MAGI2: variants seen among roughly 807,000 people sequenced by gnomAD.
MAGI2 encodes membrane associated guanylate kinase, WW and PDZ domain containing 2.
MAGI2 carries 35 observed loss-of-function variants against 133.3 expected under a neutral mutation model. That is an observed-to-expected ratio of 0.26 (90% confidence interval 0.20 to 0.35). MAGI2 has a LOEUF of 0.35. MAGI2 is among the 10% of genes least tolerant of loss of function. The pLI, the probability that MAGI2 is intolerant of heterozygous loss-of-function variation, is 1.00. For synonymous variants in MAGI2, 729 were observed against 710.6 expected, an observed-to-expected ratio of 1.03 and a Z score of -0.41; for missense variants, 1,636 against 1,863.4, an observed-to-expected ratio of 0.88 and a Z score of 2.25.
chr7:79,157,390 CA>C (rs1823884423), intron 1 of MAGI2, among the ~76,000 whole-genome samples: 1 of 151,786 alleles, frequency 6.6e-6, no homozygotes. Flanking sequence ...GCTGATCACC[CA>C]GTGTTTTGAG....
At chr7:78,069,145 T>G (rs1246271635) in intron 21 of MAGI2, among the ~76,000 whole-genome samples, 1 of 152,050 alleles carries the variant, frequency 6.6e-6, no homozygotes, top group Non-Finnish European at 1.5e-5. Flanking sequence ...TGACAAGTCA[T>G]AGAATGGAGA....
intron 5 of MAGI2, among the ~76,000 whole-genome samples, chr7:78,500,378 C>T (rs1027971778): frequency 6.6e-6 from 1 of 152,158 alleles, no homozygotes; most frequent in Non-Finnish European, 1.5e-5. Context: ...CTATTATTTT[C>T]TCTCTTTGAG....
At chr7:79,212,465 A>G (rs1228402029) in intron 1 of MAGI2, among the ~76,000 whole-genome samples, 1 of 152,138 alleles carries the variant, frequency 6.6e-6, no homozygotes, top group East Asian at 1.9e-4. Flanking sequence ...CCCAATAAAT[A>G]GGCTTTGAGA....
chr7:78,026,371 C>T (rs528660877), intron 21 of MAGI2, among the ~76,000 whole-genome samples: 1 of 152,318 alleles, frequency 6.6e-6, no homozygotes, highest in Non-Finnish European at 1.5e-5. Context: ...TAGGAATAAA[C>T]TGCTTGTTGC....
chr7:78,366,112 A>G (rs1045264117), intron 7 of MAGI2, among the ~76,000 whole-genome samples: 6 of 152,312 alleles, frequency 3.9e-5, no homozygotes, highest in Admixed American at 6.5e-5. Flanking sequence ...ATTAAACATA[A>G]GAATGATAGC....
At chr7:78,398,042 C>T (rs1796518494) in intron 6 of MAGI2, among the ~76,000 whole-genome samples, 1 of 151,976 alleles carries the variant, frequency 6.6e-6, no homozygotes, top group Non-Finnish European at 1.5e-5. Context: ...AGGCATAAAT[C>T]CTTCAGGAAG....
intron 9 of MAGI2, among the ~76,000 whole-genome samples, chr7:78,343,450 A>G (rs17150559): frequency 0.051 from 7,831 of 152,284 alleles, 242 homozygotes; most frequent in South Asian, 0.13. Flanking sequence ...GTGGCTGAAT[A>G]TAAGTTAGAA....
At chr7:79,423,855 C>T (rs1048377537) in intron 1 of MAGI2, among the ~76,000 whole-genome samples, 6 of 152,052 alleles carry the variant, frequency 3.9e-5, no homozygotes, top group Admixed American at 1.3e-4. Context: ...AATGTTACAA[C>T]TAATGCATAT....
intron 1 of MAGI2, among the ~76,000 whole-genome samples, chr7:79,209,014 C>A (rs1829286171): frequency 6.6e-6 from 1 of 151,886 alleles, no homozygotes. Flanking sequence ...TTACCAGAAT[C>A]TGGGGTGGTC....
intron 2 of MAGI2, among the ~76,000 whole-genome samples, chr7:78,726,983 T>C (rs1026599789): frequency 6.6e-6 from 1 of 152,184 alleles, no homozygotes; most frequent in African/African-American, 2.4e-5. Flanking sequence ...ATAAATGTCT[T>C]TGAGCACAGT....
chr7:79,131,684 A>T (rs1201577434), intron 1 of MAGI2, among the ~76,000 whole-genome samples: 1 of 152,308 alleles, frequency 6.6e-6, no homozygotes, highest in African/African-American at 2.4e-5. Flanking sequence ...AAGTTATGCA[A>T]CCAGGACTAA....
intron 1 of MAGI2, among the ~76,000 whole-genome samples, chr7:79,120,814 G>T (rs1819828833): frequency 6.6e-6 from 1 of 151,976 alleles, no homozygotes; most frequent in Non-Finnish European, 1.5e-5. Context: ...CTCCAATGAT[G>T]CCGCACTTTT....
At chr7:79,450,606 A>C (rs1413005318) in intron 1 of MAGI2, among the ~76,000 whole-genome samples, 1 of 152,214 alleles carries the variant, frequency 6.6e-6, no homozygotes, top group African/African-American at 2.4e-5. Flanking sequence ...TATAGAATGA[A>C]AAGAGACTTT....
intron 1 of MAGI2, among the ~76,000 whole-genome samples, chr7:79,214,883 T>C (rs1419045588): frequency 6.9e-6 from 1 of 145,236 alleles, no homozygotes; most frequent in Non-Finnish European, 1.5e-5. Flanking sequence ...ATTTCAAAAT[T>C]ATAAAATTTA....
rs192705083 is a variant in MAGI2 at position 78,034,401 on chromosome 7, G to A, written c.3707-14425C>T. 2.3e-4 allele frequency among the ~76,000 whole-genome samples: 35 copies of A among 152,270 alleles called. No homozygotes were observed. In the East Asian group the frequency reaches 6.4e-3, roughly 28 times the overall value. On this transcript the variant is annotated intron_variant, in intron 21 of 21. Transcript: ENST00000354212. Reference sequence around the variant, plus strand: ...GCTGATCATAATTTTATTATAAGCAGCAGAATCATTCCCTATTTCTTTAAT... The same window carrying A: ...GCTGATCATAATTTTATTATAAGCAACAGAATCATTCCCTATTTCTTTAAT...
chr7:78,384,571 A>T (rs1022573622), intron 6 of MAGI2, among the ~76,000 whole-genome samples: 1 of 152,172 alleles, frequency 6.6e-6, no homozygotes, highest in Non-Finnish European at 1.5e-5. Flanking sequence ...ACATTTATCA[A>T]TTGAATGTTT....
intron 1 of MAGI2, chr7:79,125,042 T>C: frequency 4.5e-6 from 1 of 220,242 alleles, no homozygotes; most frequent in Non-Finnish European, 9.1e-6. Context: ...CACCCAACTG[T>C]GAAAAAGATA....
At chr7:78,202,526 T>C (rs1356627986) in intron 10 of MAGI2, among the ~76,000 whole-genome samples, 2 of 151,210 alleles carry the variant, frequency 1.3e-5, no homozygotes, top group Non-Finnish European at 3.0e-5. Flanking sequence ...CTGCTAAAAA[T>C]ACAAAAATTA....
chr7:78,117,058 C>G (rs1265151022), intron 20 of MAGI2, among the ~76,000 whole-genome samples: 2 of 150,100 alleles, frequency 1.3e-5, no homozygotes, highest in Non-Finnish European at 3.0e-5. Context: ...AGAAAACATA[C>G]TAGATCTGGA....
Sources: allele counts gnomAD v4.1 joint callset (sites outside exome capture counted in the v4.1 genomes callset), GRCh38; gene constraint gnomAD v4.1.1; transcripts MANE v1.5; gene names NCBI Gene and HGNC (gene_info 2026-07-23, HGNC 2026-07-21).